Variants in DISC1 observed in about 807,000 individuals in gnomAD.
The protein encoded by DISC1 is disrupted in schizophrenia 1 protein.
DISC1 carries 57 observed loss-of-function variants against 84.5 expected under a neutral mutation model. The observed-to-expected ratio is 0.67, with a 90% CI of 0.55 to 0.84. The LOEUF (loss-of-function observed/expected upper bound fraction) is 0.84, where lower values mean the gene tolerates loss of function less well. DISC1 is among the 40% of genes least tolerant of loss of function. DISC1 has a pLI of 0.00. For missense variants in DISC1, 1,000 were observed against 1,057.8 expected, an observed-to-expected ratio of 0.95 and a Z score of 0.76; for synonymous variants, 411 against 415.2, an observed-to-expected ratio of 0.99 and a Z score of 0.12.
At chr1:231,911,167 C>T (rs1424513755) in intron 9 of DISC1, among the ~76,000 whole-genome samples, 1 of 152,110 alleles carries the variant, frequency 6.6e-6, no homozygotes, top group African/African-American at 2.4e-5. Flanking sequence ...AGCATTTAGC[C>T]CATTTACATT....
At chr1:231,921,469 C>T (rs1162963169) in intron 9 of DISC1, among the ~76,000 whole-genome samples, 5 of 152,098 alleles carry the variant, frequency 3.3e-5, no homozygotes, top group Admixed American at 1.3e-4. Flanking sequence ...GGTAAATTCA[C>T]GCTTATTACA....
At chr1:231,759,142 A>G (rs1218847454) in intron 4 of DISC1, among the ~76,000 whole-genome samples, 1 of 152,142 alleles carries the variant, frequency 6.6e-6, no homozygotes, top group African/African-American at 2.4e-5. Context: ...GTGCAGCACC[A>G]TGATGCTTTT....
At chr1:231,717,385 G>A (rs536606485) in intron 3 of DISC1, among the ~76,000 whole-genome samples, 5 of 152,346 alleles carry the variant, frequency 3.3e-5, no homozygotes, top group Admixed American at 6.5e-5. Flanking sequence ...GGTGTTGGTA[G>A]TGGTAGCTGG....
At chr1:231,814,771 C>T (rs1213651154) in intron 8 of DISC1, among the ~76,000 whole-genome samples, 2 of 152,024 alleles carry the variant, frequency 1.3e-5, no homozygotes, top group African/African-American at 4.8e-5. Context: ...AGGCAACAGC[C>T]AGTACGCAGA....
chr1:232,000,208 A>G (rs1277250873), intron 10 of DISC1, among the ~76,000 whole-genome samples: 1 of 152,228 alleles, frequency 6.6e-6, no homozygotes, highest in African/African-American at 2.4e-5. Context: ...TCATTAAACT[A>G]TTACAACAAA....
At chr1:231,764,406 A>G (rs1387336262) in intron 4 of DISC1, among the ~76,000 whole-genome samples, 1 of 152,258 alleles carries the variant, frequency 6.6e-6, no homozygotes, top group Non-Finnish European at 1.5e-5. Context: ...ATCAATGGAA[A>G]GAAATGATTC....
intron 9 of DISC1, among the ~76,000 whole-genome samples, chr1:231,820,740 G>A (rs1228686991): frequency 6.6e-6 from 1 of 152,124 alleles, no homozygotes; most frequent in African/African-American, 2.4e-5. Context: ...CTTTAAGTAC[G>A]CTTTTAGAAA....
At chr1:231,670,325 T>C (rs1462484219) in intron 1 of DISC1, among the ~76,000 whole-genome samples, 1 of 152,150 alleles carries the variant, frequency 6.6e-6, no homozygotes, top group Non-Finnish European at 1.5e-5. Flanking sequence ...CAAGTTTACC[T>C]ACATGCCCCT....
At chr1:232,017,793 TG>T (rs1668621617) in intron 11 of DISC1, among the ~76,000 whole-genome samples, 1 of 152,228 alleles carries the variant, frequency 6.6e-6, no homozygotes, top group Admixed American at 6.5e-5. Flanking sequence ...AAAGGGTAAC[TG>T]CCTGTTTTCT....
At chr1:231,873,004 C>A (rs1024171838) in intron 9 of DISC1, among the ~76,000 whole-genome samples, 1 of 152,156 alleles carries the variant, frequency 6.6e-6, no homozygotes, top group Non-Finnish European at 1.5e-5. Context: ...TCCAGGCATC[C>A]GTCAGGAGTT....
At chr1:231,665,291 CT>C (rs1352695935) in intron 1 of DISC1, among the ~76,000 whole-genome samples, 1 of 150,146 alleles carries the variant, frequency 6.7e-6, no homozygotes, top group Non-Finnish European at 1.5e-5. Context: ...TGAAAGTTAT[CT>C]CTTTCAGTTC....
intron 1 of DISC1, among the ~76,000 whole-genome samples, chr1:231,682,085 C>T (rs2063756006): frequency 6.6e-6 from 1 of 152,032 alleles, no homozygotes; most frequent in Admixed American, 6.6e-5. Context: ...GATTTGAGAG[C>T]TTATATACTG....
chr1:231,844,671 A>G (rs1285111963), intron 9 of DISC1, among the ~76,000 whole-genome samples: 4 of 152,148 alleles, frequency 2.6e-5, no homozygotes, highest in Non-Finnish European at 4.4e-5. Flanking sequence ...GTTATTATCA[A>G]TACCCAGCAT....
intron 9 of DISC1, among the ~76,000 whole-genome samples, chr1:231,863,217 GTTCTT>G (rs2084799703): frequency 1.5e-5 from 1 of 64,608 alleles, no homozygotes; most frequent in Non-Finnish European, 3.1e-5. Flanking sequence ...TTTATAAAAT[GTTCTT>G]TTTTTTTTTT....
intron 1 of DISC1, among the ~76,000 whole-genome samples, chr1:231,659,444 T>C (rs151195254): frequency 1.4e-3 from 206 of 150,120 alleles, no homozygotes; most frequent in African/African-American, 4.7e-3. Flanking sequence ...GATTTGTTGA[T>C]TTTTTTGAAG....
intron 8 of DISC1, among the ~76,000 whole-genome samples, chr1:231,808,794 C>T (rs985025917): frequency 6.6e-6 from 1 of 152,218 alleles, no homozygotes; most frequent in African/African-American, 2.4e-5. Context: ...AAACCTTGTG[C>T]TCTCTTGGGC....
intron 6 of DISC1, 116 bp from the exon 7 acceptor site, chr1:231,795,126 T>A: frequency 1.0e-6 from 1 of 976,688 alleles, no homozygotes; most frequent in South Asian, 1.3e-5. Context: ...TCTTTCCTCC[T>A]GCACTTCTTC....
chr1:231,628,235 G>A (rs1315752940), intron 1 of DISC1, among the ~76,000 whole-genome samples: 1 of 152,214 alleles, frequency 6.6e-6, no homozygotes, highest in Non-Finnish European at 1.5e-5. Flanking sequence ...AAAAAGAACC[G>A]TGGACAAGAT....
chr1:231,721,700 C>A (rs1298474081), intron 3 of DISC1, among the ~76,000 whole-genome samples: 1 of 151,984 alleles, frequency 6.6e-6, no homozygotes, highest in Non-Finnish European at 1.5e-5. Context: ...TCAGAGATGC[C>A]TTAGGGAAGG....
Sources: gnomAD v4.1 joint callset for allele counts (sites outside exome capture counted in the v4.1 genomes callset) on GRCh38, gnomAD v4.1.1 for gene constraint, MANE v1.5 for transcripts, NCBI Gene and HGNC (gene_info 2026-07-23, HGNC 2026-07-21) for gene names.